Variants in SRPK2 observed in about 807,000 individuals in gnomAD.
SRPK2 encodes SRSF protein kinase 2, also known as SFRS protein kinase 2.
Under a neutral mutation model 90.8 loss-of-function variants are expected in SRPK2, and 21 were observed. That is an observed-to-expected ratio of 0.23 (90% CI 0.16 to 0.33). The LOEUF (loss-of-function observed/expected upper bound fraction) is 0.33, where lower values mean the gene tolerates loss of function less well. Ranked by LOEUF, SRPK2 falls within the 10% of genes least tolerant of loss-of-function variation. The pLI, the probability that SRPK2 is intolerant of heterozygous loss-of-function variation, is 1.00. For synonymous variants in SRPK2, 288 were observed against 311.1 expected, an observed-to-expected ratio of 0.93 and a Z score of 0.78; for missense variants, 620 against 869.0, an observed-to-expected ratio of 0.71 and a Z score of 3.60.
chr7:105,165,911 G>C (rs996016787), intron 6 of SRPK2, among the ~76,000 whole-genome samples: 1 of 152,102 alleles, frequency 6.6e-6, no homozygotes, highest in Non-Finnish European at 1.5e-5. Context: ...CTTCATTCCT[G>C]AAGTCAGCGA....
At chr7:105,185,570 T>C (rs1793475201) in intron 3 of SRPK2, among the ~76,000 whole-genome samples, 1 of 152,068 alleles carries the variant, frequency 6.6e-6, no homozygotes, top group South Asian at 2.1e-4. Flanking sequence ...AATAATACAC[T>C]GTAAATAATC....
chr7:105,369,802 C>G (rs969906591), intron 2 of SRPK2, among the ~76,000 whole-genome samples: 4 of 152,044 alleles, frequency 2.6e-5, no homozygotes, highest in African/African-American at 4.8e-5. Flanking sequence ...ATGAAGCAGG[C>G]GGATCGCCTG....
At chr7:105,226,033 G>A (rs2129617981) in intron 2 of SRPK2, among the ~76,000 whole-genome samples, 1 of 152,254 alleles carries the variant, frequency 6.6e-6, no homozygotes, top group East Asian at 1.9e-4. Flanking sequence ...TGTAAACTGT[G>A]CTAATAAAAT....
At chr7:105,255,506 T>A (rs1482019689) in intron 2 of SRPK2, among the ~76,000 whole-genome samples, 1 of 152,170 alleles carries the variant, frequency 6.6e-6, no homozygotes, top group Non-Finnish European at 1.5e-5. Context: ...AGGCGGGGAA[T>A]AATGAGGTGG....
chr7:105,255,939 A>C (rs1339473658), intron 2 of SRPK2, among the ~76,000 whole-genome samples: 1 of 129,458 alleles, frequency 7.7e-6, no homozygotes, highest in Non-Finnish European at 1.8e-5. Flanking sequence ...AAAAAAAAAA[A>C]AGAGAGAGAG....
upstream of SRPK2, chr7:105,388,990 G>A (rs918595187): frequency 1.0e-5 from 3 of 293,510 alleles, no homozygotes; most frequent in East Asian, 1.3e-4. Context: ...CCCCGCCCCC[G>A]CCCCGCCCCC....
At chr7:105,128,673 A>T (rs1801549543) in intron 13 of SRPK2, among the ~76,000 whole-genome samples, 1 of 152,192 alleles carries the variant, frequency 6.6e-6, no homozygotes, top group South Asian at 2.1e-4. Flanking sequence ...CCCTATGCTA[A>T]CTAACTCTTT....
At chr7:105,302,136 G>A in intron 2 of SRPK2, 1 of 1,326,660 alleles carries the variant, frequency 7.5e-7, no homozygotes, top group East Asian at 2.3e-5. Context: ...AGTAAAACTG[G>A]GTTCAAAATC....
At chr7:105,170,745 GAGGAAGGAAGGAAGGAAGGA>G (rs534732760) in intron 3 of SRPK2, among the ~76,000 whole-genome samples, 5 of 45,602 alleles carry the variant, frequency 1.1e-4, no homozygotes, top group South Asian at 1.9e-3. Context: ...GGAAGAAAGG[GAGGAAGGAAGGAAGGAAGGA>G]AGGAAGGAAG....
intron 2 of SRPK2, among the ~76,000 whole-genome samples, chr7:105,357,703 C>G (rs1267512240): frequency 6.6e-6 from 1 of 151,828 alleles, no homozygotes; most frequent in Admixed American, 6.6e-5. Flanking sequence ...AAGATCACAC[C>G]ATTGCACTCC....
At chr7:105,168,209 A>C in intron 4 of SRPK2, 114 bp from the exon 5 acceptor site, 3 of 799,236 alleles carry the variant, frequency 3.8e-6, no homozygotes, top group Non-Finnish European at 6.0e-6. Context: ...AATGCGCCAA[A>C]ACCTAAAACA....
rs543055149 is a variant in SRPK2 at position 105,357,676 on chromosome 7, G to A, written c.71+30972C>T. 6.2e-4 allele frequency among the ~76,000 whole-genome samples: 94 copies of A among 151,808 alleles called. No homozygotes were observed. In the Middle Eastern group the frequency reaches 0.014, roughly 22 times the overall value. ...AGAGAATTGCTTGAACCCAGGAGGC[G>A]GAGGTTACAGTGAGCCAAGATCACA... is the stretch of plus-strand genomic sequence containing the variant. On this transcript the variant is annotated intron_variant, in intron 2 of 15. Transcript: ENST00000393651.
At chr7:105,366,988 G>A (rs1202530589) in intron 2 of SRPK2, among the ~76,000 whole-genome samples, 2 of 152,028 alleles carry the variant, frequency 1.3e-5, no homozygotes, top group Non-Finnish European at 2.9e-5. Context: ...TGAGTCCCAT[G>A]GTGTTATTCA....
chr7:105,143,458 C>T (rs1804093480), intron 9 of SRPK2, 128 bp from the exon 10 acceptor site: 1 of 1,194,612 alleles, frequency 8.4e-7, no homozygotes, highest in Non-Finnish European at 1.2e-6. Context: ...AAATCCCAAA[C>T]CCAGACAGAT....
At chr7:105,356,209 G>A (rs981322556) in intron 2 of SRPK2, among the ~76,000 whole-genome samples, 3 of 152,084 alleles carry the variant, frequency 2.0e-5, no homozygotes, top group Non-Finnish European at 4.4e-5. Context: ...GAGAAAGCAA[G>A]AGCCTCTCCC....
At chr7:105,346,608 G>A (rs1027007745) in intron 2 of SRPK2, among the ~76,000 whole-genome samples, 1 of 152,010 alleles carries the variant, frequency 6.6e-6, no homozygotes, top group Non-Finnish European at 1.5e-5. Context: ...ACAAAAATTA[G>A]CCAGGCATGG....
rs570185504 is a variant in SRPK2 at position 105,382,790 on chromosome 7, T to C, written c.71+5858A>G. On this transcript the variant is annotated intron_variant, in intron 2 of 15. Transcript: ENST00000393651. ...CTGTTCTTTGTGGTAATGAAACAGT[T>C]TGGCATCCTGACTGTGGTGATTATT... Among the ~76,000 whole-genome samples the C allele has an allele frequency of 4.6e-5, 7 of 152,248 alleles. No individual in the cohort carries two copies. The South Asian group carries it at 6.2e-4, about 14-fold the overall frequency.
At chr7:105,236,821 A>C (rs1045678184) in intron 2 of SRPK2, among the ~76,000 whole-genome samples, 1 of 152,212 alleles carries the variant, frequency 6.6e-6, no homozygotes, top group Admixed American at 6.5e-5. Flanking sequence ...AAGTGTCTCA[A>C]GATTTTCATT....
At chr7:105,323,967 T>TTGTGTGTGTGTGTGTGTGTGTGTG (rs58288208) in intron 2 of SRPK2, among the ~76,000 whole-genome samples, 1 of 133,816 alleles carries the variant, frequency 7.5e-6, no homozygotes, top group African/African-American at 2.7e-5. Flanking sequence ...AGACTATTCT[T>TTGTGTGTGTGTGTGTGTGTGTGTG]TGTGTGTGTG....
Sources: gnomAD v4.1 joint callset for allele counts (sites outside exome capture counted in the v4.1 genomes callset) on GRCh38, gnomAD v4.1.1 for gene constraint, MANE v1.5 for transcripts, NCBI Gene and HGNC (gene_info 2026-07-23, HGNC 2026-07-21) for gene names.